CA10: variants seen among roughly 807,000 people sequenced by gnomAD.
CA10 encodes the protein carbonic anhydrase 10 (inactive), also known as carbonic anhydrase-related protein 10.
CA10 carries 14 observed loss-of-function variants against 44.2 expected under a neutral mutation model. The observed-to-expected ratio is 0.32, with a 90% CI of 0.21 to 0.50. CA10 has a LOEUF of 0.50. CA10 is among the 20% of genes least tolerant of loss of function. The pLI is 0.99. For synonymous variants in CA10, 159 were observed against 141.6 expected, an observed-to-expected ratio of 1.12 and a Z score of -0.87; for missense variants, 350 against 409.7, an observed-to-expected ratio of 0.85 and a Z score of 1.26.
intron 1 of CA10, among the ~76,000 whole-genome samples, chr17:52,102,335 G>T (rs1341075160): frequency 6.6e-6 from 1 of 152,128 alleles, no homozygotes; most frequent in African/African-American, 2.4e-5. Flanking sequence ...AAACAACTTT[G>T]CTGAGCGATT....
intron 3 of CA10, among the ~76,000 whole-genome samples, chr17:51,888,039 A>AAAAAC (rs1320001641): frequency 1.3e-5 from 2 of 151,888 alleles, no homozygotes; most frequent in East Asian, 1.9e-4. Flanking sequence ...AAACAAAAAC[A>AAAAAC]AAAACAAAAC....
At chr17:52,094,993 G>A (rs2938141) in intron 1 of CA10, among the ~76,000 whole-genome samples, 91,604 of 152,008 alleles carry the variant, frequency 0.6, 28,901 homozygotes, top group African/African-American at 0.79. Context: ...ATATTAGTGC[G>A]CATGTCTACT....
At chr17:51,900,264 T>A (rs73348444) in intron 3 of CA10, among the ~76,000 whole-genome samples, 2,973 of 152,218 alleles carry the variant, frequency 0.02, 75 homozygotes, top group African/African-American at 0.068. Context: ...CTAAAAAGAT[T>A]CTTATGTTTC....
At chr17:52,027,127 T>C (rs751595527) in intron 2 of CA10, among the ~76,000 whole-genome samples, 3 of 151,904 alleles carry the variant, frequency 2.0e-5, no homozygotes, top group Admixed American at 1.3e-4. Flanking sequence ...CATCAGGCAT[T>C]AGATTATCAT....
chr17:51,908,302 G>T (rs1378183657), intron 3 of CA10, among the ~76,000 whole-genome samples: 1 of 152,076 alleles, frequency 6.6e-6, no homozygotes, highest in South Asian at 2.1e-4. Context: ...AATTACTTTG[G>T]TCATATTGAC....
intron 3 of CA10, among the ~76,000 whole-genome samples, chr17:51,785,099 A>C (rs987589887): frequency 6.6e-6 from 1 of 152,212 alleles, no homozygotes; most frequent in Non-Finnish European, 1.5e-5. Context: ...GTTGCCAGTG[A>C]CATGATCTCA....
intron 3 of CA10, among the ~76,000 whole-genome samples, chr17:51,834,146 C>T (rs572863091): frequency 2.0e-5 from 3 of 152,300 alleles, no homozygotes; most frequent in East Asian, 3.9e-4. Flanking sequence ...CCTTGATGAA[C>T]TTGACTATAG....
At chr17:51,733,759 G>A (rs1297490336) in intron 4 of CA10, among the ~76,000 whole-genome samples, 1 of 152,144 alleles carries the variant, frequency 6.6e-6, no homozygotes, top group Non-Finnish European at 1.5e-5. Flanking sequence ...TCTTCTTACT[G>A]TTTCGGCTCT....
At chr17:51,713,074 A>T (rs1915994979) in intron 4 of CA10, among the ~76,000 whole-genome samples, 1 of 152,206 alleles carries the variant, frequency 6.6e-6, no homozygotes, top group African/African-American at 2.4e-5. Context: ...CCAAACAGTA[A>T]ATTGGAGGTG....
At chr17:52,053,032 T>G (rs1987122496) in intron 2 of CA10, among the ~76,000 whole-genome samples, 1 of 151,908 alleles carries the variant, frequency 6.6e-6, no homozygotes, top group East Asian at 1.9e-4. Flanking sequence ...CCAAGGTAAC[T>G]TCAGAACCAC....
At chr17:51,904,385 C>G (rs1981451673) in intron 3 of CA10, among the ~76,000 whole-genome samples, 1 of 151,922 alleles carries the variant, frequency 6.6e-6, no homozygotes, top group African/African-American at 2.4e-5. Context: ...CACCATTTTT[C>G]TTTTCCTCAG....
chr17:52,134,328 C>T (rs984415872), intron 1 of CA10, among the ~76,000 whole-genome samples: 3 of 151,910 alleles, frequency 2.0e-5, no homozygotes, highest in Non-Finnish European at 4.4e-5. Flanking sequence ...TTTATTTGTC[C>T]CTTGGGAGAT....
chr17:51,817,131 G>A (rs1907593402), intron 3 of CA10, among the ~76,000 whole-genome samples: 1 of 152,182 alleles, frequency 6.6e-6, no homozygotes, highest in Admixed American at 6.5e-5. Context: ...AGGATGGCTG[G>A]GAGGAGTAAA....
chr17:51,926,643 T>C (rs28532654), intron 3 of CA10, among the ~76,000 whole-genome samples: 6,192 of 152,266 alleles, frequency 0.041, 324 homozygotes, highest in African/African-American at 0.12. Context: ...CCTTGGCTCA[T>C]GGCCCTGTGT....
At chr17:51,898,199 G>A (rs189649702) in intron 3 of CA10, among the ~76,000 whole-genome samples, 3 of 152,036 alleles carry the variant, frequency 2.0e-5, no homozygotes, top group African/African-American at 4.8e-5. Context: ...GTTGGCTGTG[G>A]GTTTGTCATA....
intron 2 of CA10, among the ~76,000 whole-genome samples, chr17:52,022,868 C>T (rs1396092325): frequency 6.6e-6 from 1 of 151,710 alleles, no homozygotes; most frequent in East Asian, 1.9e-4. Context: ...ATAGCAACAA[C>T]AACAAAAAAA....
intron 1 of CA10, among the ~76,000 whole-genome samples, chr17:52,126,317 G>A (rs959322994): frequency 6.6e-6 from 1 of 152,100 alleles, no homozygotes; most frequent in Non-Finnish European, 1.5e-5. Flanking sequence ...TGAAGTATAT[G>A]CCTTTATTGT....
intron 2 of CA10, among the ~76,000 whole-genome samples, chr17:51,990,758 A>C (rs1188128013): frequency 6.6e-6 from 1 of 152,096 alleles, no homozygotes; most frequent in Non-Finnish European, 1.5e-5. Context: ...ACTGCAATAA[A>C]GTGGCTGGGA....
chr17:51,654,746 C>T (rs958804861), intron 4 of CA10, among the ~76,000 whole-genome samples: 2 of 151,962 alleles, frequency 1.3e-5, no homozygotes, highest in Non-Finnish European at 2.9e-5. Context: ...TTAGTAGAGA[C>T]GGGGTTTCAC....
Sources: gnomAD v4.1 joint callset for allele counts (sites outside exome capture counted in the v4.1 genomes callset) on GRCh38, gnomAD v4.1.1 for gene constraint, MANE v1.5 for transcripts, NCBI Gene and HGNC (gene_info 2026-07-23, HGNC 2026-07-21) for gene names.